The following ARRDC4 variants were observed in gnomAD, a reference collection of about 807,000 sequenced individuals.
ARRDC4 encodes the protein arrestin domain containing 4.
In ARRDC4, 40 loss-of-function variants were observed where a neutral mutation model predicts 44.6. That is an observed-to-expected ratio of 0.90 (90% CI 0.70 to 1.17). The LOEUF (loss-of-function observed/expected upper bound fraction) is 1.17, where lower values mean the gene tolerates loss of function less well. ARRDC4 is among the 50% of genes most tolerant of loss of function. The pLI, the probability that ARRDC4 is intolerant of heterozygous loss-of-function variation, is 0.00. For synonymous variants in ARRDC4, 211 were observed against 221.2 expected, an observed-to-expected ratio of 0.95 and a Z score of 0.41; for missense variants, 550 against 559.1, an observed-to-expected ratio of 0.98 and a Z score of 0.16.
chr15:97,969,764 G>A, intron 5 of ARRDC4, 119 bp from the exon 6 acceptor site: 1 of 864,264 alleles, frequency 1.2e-6, no homozygotes, highest in Non-Finnish European at 1.7e-6. Flanking sequence ...TGTGATGGGG[G>A]TGGTGGCAGC....
Position 97,970,727 on chromosome 15 carries a change from C to A in ARRDC4, c.1184C>A (p.Pro395Gln). ...ATACAAGAATTCCGGTTTCAACCCCCACCTCTTTATTCAGAGGTAAGCAAA... is the reference window on the plus strand; with the variant it reads ...ATACAAGAATTCCGGTTTCAACCCCAACCTCTTTATTCAGAGGTAAGCAAA... ...ACIQEFRFQP[P>Q]PLYSEVDPHP... Residue 395 changes from proline to glutamine, a missense_variant, in exon 7 of 8, where the codon CCA (proline) becomes CAA (glutamine). Coordinates refer to ENST00000268042, the MANE Select transcript of ARRDC4 (RefSeq NM_183376.3). The surrounding 1 kb of genome is among the most constrained non-coding windows in gnomAD (Gnocchi z 4.2). 6.2e-7 allele frequency: 1 copy of A among 1,612,856 alleles called. No homozygotes were observed. Among genetic ancestry groups the A allele is most frequent in the South Asian group, 1.1e-5 (1 of 90,880 alleles).
In ARRDC4 at chr15:97,972,188, G is replaced by C. The variant is rs1899528455; in HGVS notation, c.*1001G>C. The stretch of plus-strand genomic sequence containing the variant: ...CATCTATCACTAAATATGAAACTGG[G>C]CCAAGGGGAAAATTCAGTAAGTTAG... On this transcript the variant is annotated 3_prime_UTR_variant, in exon 8 of 8. Coordinates refer to ENST00000268042, the MANE Select transcript of ARRDC4 (RefSeq NM_183376.3). The surrounding 1 kb of genome is among the most constrained non-coding windows in gnomAD (Gnocchi z 5.3). 6.6e-6 allele frequency: 1 copy of C among 152,582 alleles called. No homozygotes were observed. Among genetic ancestry groups the C allele is most frequent in the Non-Finnish European group, 1.5e-5 (1 of 68,030 alleles). 9.5% of individuals were successfully genotyped at this position (152,582 alleles called of 1,614,324 possible).
Position 97,970,440 on chromosome 15 carries a change from T to C in ARRDC4, c.1046-149T>C, listed in dbSNP as rs1052738866. ...TAATAAAAGGAGAATCTATTTTTTA[T>C]TGTAATATGCATAAAACCTTGCTGA... On this transcript the variant is annotated intron_variant, in intron 6 of 7. Coordinates refer to ENST00000268042, the MANE Select transcript of ARRDC4 (RefSeq NM_183376.3). This position sits in a 1 kb window ranked among gnomAD's most constrained non-coding sequence, Gnocchi z 4.2. The C allele has an allele frequency of 1.1e-5, 8 of 732,590 alleles. No homozygotes were observed. In the African/African-American group the frequency reaches 1.2e-4, roughly 11 times the overall value. 45.4% of individuals were successfully genotyped at this position (732,590 alleles called of 1,614,324 possible).
rs142239479 is a variant in ARRDC4 at position 97,970,652 on chromosome 15, C to G, written c.1109C>G (p.Pro370Arg). The part of the protein sequence containing the change: ...EEFSRHIPPY[P>R]QPPNCEGEVC... ...TTCTCTAGACACATTCCTCCTTACCCTCAACCCCCTAACTGTGAGGGAGAA... is the reference window on the plus strand; with the variant it reads ...TTCTCTAGACACATTCCTCCTTACCGTCAACCCCCTAACTGTGAGGGAGAA... Residue 370 changes from proline (P) to arginine (R), a missense_variant, in exon 7 of 8, where the codon CCT becomes CGT. Physicochemically the swap from Pro to Arg is moderately radical, Grantham distance 103. Transcript: ENST00000268042. The surrounding 1 kb of genome is among the most constrained non-coding windows in gnomAD (Gnocchi z 4.2). 6.2e-7 allele frequency: 1 copy of G among 1,613,390 alleles called. No individual in the cohort carries two copies. The highest frequency in any genetic ancestry group is 1.1e-5 in the South Asian group (1 of 91,052).
Position 97,970,952 on chromosome 15 carries a change from T to C in ARRDC4, c.1201-179T>C, listed in dbSNP as rs1899502240. On this transcript the variant is annotated intron_variant, in intron 7 of 7. Transcript: ENST00000268042. The surrounding 1 kb of genome is among the most constrained non-coding windows in gnomAD (Gnocchi z 4.2). The stretch of plus-strand genomic sequence containing the variant: ...GTGATCTATGGCATCAGATACAGTA[T>C]TGTGGATTGCCTTTAAGGTGTGTTA... Among the ~76,000 whole-genome samples, 1 of 152,128 alleles carries C rather than the reference T, an allele frequency of 6.6e-6. No homozygotes were observed. Among genetic ancestry groups the C allele is most frequent in the Non-Finnish European group, 1.5e-5 (1 of 68,012 alleles).
chr15:97,972,646 T>C lies in ARRDC4; in HGVS notation c.*1459T>C, dbSNP rs1899535750. On this transcript the variant is annotated 3_prime_UTR_variant, in exon 8 of 8. Transcript: ENST00000268042. The surrounding 1 kb of genome is among the most constrained non-coding windows in gnomAD (Gnocchi z 5.3). ...CAGATTTTGAACCAGCAGAGTACTTTGGTTTTCTTCATGTCCTAAGGGTTT... is the reference window on the plus strand; with the variant it reads ...CAGATTTTGAACCAGCAGAGTACTTCGGTTTTCTTCATGTCCTAAGGGTTT... The C allele has an allele frequency of 6.5e-6, 1 of 152,726 alleles. No homozygotes were observed. Among genetic ancestry groups the C allele is most frequent in the South Asian group, 2.1e-4 (1 of 4,826 alleles). 9.5% of individuals were successfully genotyped at this position (152,726 alleles called of 1,614,324 possible).
rs75582911 is a variant in ARRDC4, at chr15:97,968,598, C to T, written c.625+482C>T. Among the ~76,000 whole-genome samples the T allele has an allele frequency of 2.9e-3, 439 of 152,276 alleles. 1 individual carries two copies. Among genetic ancestry groups the T allele is most frequent in the Middle Eastern group, 0.01 (3 of 294 alleles). On this transcript the variant is annotated intron_variant, in intron 4 of 7. Transcript: ENST00000268042. The surrounding 1 kb of genome is among the most constrained non-coding windows in gnomAD (Gnocchi z 5.4). ...CCCATTTCCAGCAGTGGATTTGGCC[C>T]CTGCTCCAGGATTCTGACTTGTTAG...
Position 97,970,822 on chromosome 15 carries a change from G to A in ARRDC4, c.1200+79G>A, listed in dbSNP as rs950403494. On this transcript the variant is annotated intron_variant, in intron 7 of 7. Transcript: ENST00000268042. The surrounding 1 kb of genome is among the most constrained non-coding windows in gnomAD (Gnocchi z 4.2). ...TTTTTTGTCATCCGTTCATTAGAGT[G>A]TCTGTTGCTGACTCATAATTAGTAA... The A allele has an allele frequency of 2.0e-5, 29 of 1,468,644 alleles. No homozygotes were observed. The Middle Eastern group carries it at 1.4e-3, about 72-fold the overall frequency. 91.0% of individuals were successfully genotyped at this position (1,468,644 alleles called of 1,614,324 possible).
rs8041913 is a variant in ARRDC4, at chr15:97,972,722, A to G, written c.*1535A>G. The G allele has an allele frequency of 0.089, 13,577 of 152,638 alleles. 724 individuals are homozygous for G. Among genetic ancestry groups the G allele is most frequent in the African/African-American group, 0.15 (6,050 of 41,518 alleles). 9.5% of individuals were successfully genotyped at this position (152,638 alleles called of 1,614,324 possible). A position where few individuals can be genotyped will look rare whatever the true frequency, so the allele number is the denominator to read the frequency against. On this transcript the variant is annotated 3_prime_UTR_variant, in exon 8 of 8. Coordinates refer to ENST00000268042, the MANE Select transcript of ARRDC4 (RefSeq NM_183376.3). This position sits in a 1 kb window ranked among gnomAD's most constrained non-coding sequence, Gnocchi z 5.3. ...TGCAGAATACTGTACTTCATTTAAC[A>G]GAATGATTGATTTTTCTTTCAATCA... is the stretch of plus-strand genomic sequence containing the variant.
rs1899423309 is a variant in ARRDC4, at chr15:97,966,655, C to A, written c.522+613C>A. ...AATACTGTAGACTGATAAGAAAGAT[C>A]AGGCTATAAGTAACAACAGAATAGG... On this transcript the variant is annotated intron_variant, in intron 3 of 7. Coordinates refer to ENST00000268042, the MANE Select transcript of ARRDC4 (RefSeq NM_183376.3). This position sits in a 1 kb window ranked among gnomAD's most constrained non-coding sequence, Gnocchi z 4.7. Among the ~76,000 whole-genome samples, 1 of 152,112 alleles carries A rather than the reference C, an allele frequency of 6.6e-6. No homozygotes were observed. Among genetic ancestry groups the A allele is most frequent in the Non-Finnish European group, 1.5e-5 (1 of 68,026 alleles).
Position 97,967,176 on chromosome 15 carries a change from T to G in ARRDC4, c.523-838T>G, listed in dbSNP as rs1201838707. Among the ~76,000 whole-genome samples, 1 of 152,176 alleles carries G rather than the reference T, an allele frequency of 6.6e-6. No homozygotes were observed. Among genetic ancestry groups the G allele is most frequent in the Non-Finnish European group, 1.5e-5 (1 of 68,036 alleles). On this transcript the variant is annotated intron_variant, in intron 3 of 7. Transcript: ENST00000268042. This position sits in a 1 kb window ranked among gnomAD's most constrained non-coding sequence, Gnocchi z 5.0. Reference sequence around the variant, plus strand: ...AGTAGCTTGTATTTTTAAAAACTACTTAGAATTGGGAGGCTGAATATTTTT... The same window carrying G: ...AGTAGCTTGTATTTTTAAAAACTACGTAGAATTGGGAGGCTGAATATTTTT...
Position 97,971,124 on chromosome 15 carries a change from T to G in ARRDC4, c.1201-7T>G, listed in dbSNP as rs758119028. The G allele has an allele frequency of 7.7e-5, 124 of 1,613,050 alleles. No homozygotes were observed. Among genetic ancestry groups the G allele is most frequent in the Non-Finnish European group, 1.0e-4 (122 of 1,179,250 alleles). ...AACACTAATCTCAGTCCGCTCTTTT[T>G]TTGCAGGTTGACCCACATCCTAGCG... On this transcript the variant is annotated splice_region_variant and splice_polypyrimidine_tract_variant and intron_variant, in intron 7 of 7. Transcript: ENST00000268042.
rs913520544 is a variant in ARRDC4 at position 97,960,882 on chromosome 15, C to T, written c.21C>T (p.Cys7=). 7.2e-7 allele frequency: 1 copy of T among 1,387,688 alleles called. No homozygotes were observed. The highest frequency in any genetic ancestry group is 9.4e-7 in the Non-Finnish European group (1 of 1,061,902). 86.0% of individuals were successfully genotyped at this position (1,387,688 alleles called of 1,614,324 possible). A position where few individuals can be genotyped will look rare whatever the true frequency, so the allele number is the denominator to read the frequency against. The part of the protein sequence containing the change: MGGEAG[C]AAAVGAEGRV... The stretch of plus-strand genomic sequence containing the variant: ...GCGGGATGGGCGGGGAGGCTGGGTG[C>T]GCGGCGGCCGTGGGTGCCGAGGGCC... Residue 7 remains cysteine, a synonymous_variant, in exon 1 of 8, where the codon TGC becomes TGT. Coordinates refer to ENST00000268042, the MANE Select transcript of ARRDC4 (RefSeq NM_183376.3).
intron 5 of ARRDC4, 78 bp from the exon 6 acceptor site, chr15:97,969,800 AAAAAG>A (rs1899476691): frequency 7.7e-7 from 1 of 1,306,958 alleles, no homozygotes; most frequent in African/African-American, 1.5e-5. Flanking sequence ...TTTCTATGAA[AAAAAG>A]AAATTAATTG....
chr15:97,961,705 C>G (rs1019943210), intron 1 of ARRDC4, among the ~76,000 whole-genome samples: 69 of 152,156 alleles, frequency 4.5e-4, no homozygotes, highest in African/African-American at 1.6e-3. Context: ...CTTGGTTTCC[C>G]TCTTCTGGGG....
Position 97,961,105 on chromosome 15 carries a change from C to G in ARRDC4, c.244C>G (p.Leu82Val). Residue 82 changes from leucine (L) to valine (V), a missense_variant, in exon 1 of 8, where the codon CTG (leucine) becomes GTG (valine). By Grantham distance (32) the Leu-to-Val change is conservative. Transcript: ENST00000268042. The stretch of plus-strand genomic sequence containing the variant: ...CCGCGCCTCGGCCAGCACCGCGGCC[C>G]TGGCTGTCTTCTCGGAGGTGGAGTA... The part of the protein sequence containing the change: ...CPRASASTAA[L>V]AVFSEVEYLN... The G allele has an allele frequency of 6.9e-7, 1 of 1,457,066 alleles. No homozygotes were observed. Among genetic ancestry groups the G allele is most frequent in the South Asian group, 1.3e-5 (1 of 75,640 alleles). The allele number at this position is 1,457,066 out of a possible 1,614,324, so 90.3% of individuals were successfully genotyped here.
Position 97,970,837 on chromosome 15 carries a change from ATAAT to A in ARRDC4, c.1200+97_1200+100del. 7.2e-7 allele frequency: 1 copy of A among 1,381,992 alleles called. No individual in the cohort carries two copies. 85.6% of individuals were successfully genotyped at this position (1,381,992 alleles called of 1,614,324 possible). A position where few individuals can be genotyped will look rare whatever the true frequency, so the allele number is the denominator to read the frequency against. The stretch of plus-strand genomic sequence containing the variant: ...TCATTAGAGTGTCTGTTGCTGACTC[ATAAT>A]TAGTAAGGGATACATTTAAATTTGT... On this transcript the variant is annotated intron_variant, in intron 7 of 7. Transcript: ENST00000268042. This position sits in a 1 kb window ranked among gnomAD's most constrained non-coding sequence, Gnocchi z 4.2.
intron 1 of ARRDC4, among the ~76,000 whole-genome samples, 153 bp downstream of exon 1, chr15:97,961,321 G>A (rs1899314291): frequency 6.6e-6 from 1 of 152,174 alleles, no homozygotes; most frequent in South Asian, 2.1e-4. Context: ...GGTAAGGAGA[G>A]ACCGCAAGTC....
chr15:97,972,282 AG>A lies in ARRDC4; in HGVS notation c.*1097del, dbSNP rs1899529849. The A allele has an allele frequency of 6.6e-6, 1 of 152,624 alleles. No homozygotes were observed. The highest frequency in any genetic ancestry group is 1.5e-5 in the Non-Finnish European group (1 of 68,030). 9.5% of individuals were successfully genotyped at this position (152,624 alleles called of 1,614,324 possible). A position where few individuals can be genotyped will look rare whatever the true frequency, so the allele number is the denominator to read the frequency against. ...AATAAACACCAAACCAAAAGAAGGT[AG>A]GAGTGCCATTTTTAGAAAAGACACA... On this transcript the variant is annotated 3_prime_UTR_variant, in exon 8 of 8. Transcript: ENST00000268042. This position sits in a 1 kb window ranked among gnomAD's most constrained non-coding sequence, Gnocchi z 5.3.
Sources: gnomAD v4.1 joint callset for allele counts (sites outside exome capture counted in the v4.1 genomes callset) on GRCh38, gnomAD v4.1.1 for gene constraint, Gnocchi (gnomAD v3.1) non-coding constraint, MANE v1.5 for transcripts, NCBI Gene and HGNC (gene_info 2026-07-23, HGNC 2026-07-21) for gene names.